Variants in NEDD4L observed in about 807,000 individuals in gnomAD.
The protein encoded by NEDD4L is NEDD4 like E3 ubiquitin protein ligase, also known as E3 ubiquitin-protein ligase NEDD4-like.
Under a neutral mutation model 148.9 loss-of-function variants are expected in NEDD4L, and 54 were observed. That is an observed-to-expected ratio of 0.36 (90% CI 0.29 to 0.45). The LOEUF (loss-of-function observed/expected upper bound fraction) is 0.45. Among genes scored for constraint, NEDD4L ranks in the 20% least tolerant of loss-of-function variants. The pLI, the probability that NEDD4L is intolerant of heterozygous loss-of-function variation, is 1.00. For synonymous variants in NEDD4L, 433 were observed against 440.7 expected, an observed-to-expected ratio of 0.98 and a Z score of 0.22; for missense variants, 856 against 1,233.8, an observed-to-expected ratio of 0.69 and a Z score of 4.59.
At chr18:58,228,207 G>A (rs541269075) in intron 2 of NEDD4L, among the ~76,000 whole-genome samples, 3 of 152,346 alleles carry the variant, frequency 2.0e-5, no homozygotes, top group African/African-American at 7.2e-5. Context: ...GCATGGCCCT[G>A]TTCGCAAGGA....
At chr18:58,384,479 CTG>C (rs1392019470) in intron 25 of NEDD4L, among the ~76,000 whole-genome samples, 2 of 152,204 alleles carry the variant, frequency 1.3e-5, no homozygotes, top group South Asian at 2.1e-4. Flanking sequence ...AAAGTACAGA[CTG>C]TGAGTGGGGT....
In NEDD4L at chr18:58,324,898, C is replaced by G. The variant is rs878994371; in HGVS notation, c.514-98C>G. ...AGCCATGGCTAGAGCCAGAGAGCCC[C>G]AGAGCAAGGAGAAGGGCATGCAGGG... is the stretch of plus-strand genomic sequence containing the variant. On this transcript the variant is annotated intron_variant, in intron 8 of 30. Coordinates refer to ENST00000400345, the MANE Select transcript of NEDD4L (RefSeq NM_001144967.3). 7.7e-6 allele frequency: 9 copies of G among 1,163,536 alleles called. No individual in the cohort carries two copies. In the South Asian group the frequency reaches 1.0e-4, roughly 13 times the overall value. The allele number at this position is 1,163,536 out of a possible 1,614,324, so 72.1% of individuals were successfully genotyped here.
intron 1 of NEDD4L, among the ~76,000 whole-genome samples, chr18:58,124,374 C>G (rs776355011): frequency 1.3e-5 from 2 of 152,220 alleles, no homozygotes; most frequent in Non-Finnish European, 2.9e-5. Flanking sequence ...GGCATGTTGT[C>G]TGTTCCTCCC....
intron 1 of NEDD4L, among the ~76,000 whole-genome samples, chr18:58,129,636 C>T (rs770002632): frequency 8.5e-5 from 13 of 152,216 alleles, no homozygotes; most frequent in Non-Finnish European, 1.8e-4. Context: ...GAAGATTTGT[C>T]GCAGAGAAAC....
At chr18:58,111,481 A>C (rs1421821805) in intron 1 of NEDD4L, among the ~76,000 whole-genome samples, 2 of 152,212 alleles carry the variant, frequency 1.3e-5, no homozygotes, top group African/African-American at 4.8e-5. Context: ...ACTACTTTGT[A>C]TCTCTACATT....
At chr18:58,210,871 A>C (rs1477720809) in intron 2 of NEDD4L, among the ~76,000 whole-genome samples, 1 of 152,230 alleles carries the variant, frequency 6.6e-6, no homozygotes, top group African/African-American at 2.4e-5. Flanking sequence ...TCTTGGGTGC[A>C]TCAAAACACG....
rs146754885 is a variant in NEDD4L at position 58,392,988 on chromosome 18, A to G, written c.2825+1429A>G. Among the ~76,000 whole-genome samples, 265 of 152,358 alleles carry G rather than the reference A, an allele frequency of 1.7e-3. 4 individuals carry two copies. Among genetic ancestry groups the G allele is most frequent in the African/African-American group, 5.9e-3 (246 of 41,580 alleles). ...CTGGCCCAGGGCTCACCAGAGTCAC[A>G]GATTCCCAGATCACAGGATTTGAAC... On this transcript the variant is annotated intron_variant, in intron 30 of 30. Coordinates refer to ENST00000400345, the MANE Select transcript of NEDD4L (RefSeq NM_001144967.3).
At chr18:58,098,800 A>G (rs1321867212) in intron 1 of NEDD4L, among the ~76,000 whole-genome samples, 2 of 152,176 alleles carry the variant, frequency 1.3e-5, no homozygotes, top group East Asian at 1.9e-4. Context: ...GCTCACAGTC[A>G]TCACTCTGTA....
intron 1 of NEDD4L, among the ~76,000 whole-genome samples, chr18:58,111,465 C>T (rs2085416659): frequency 6.6e-6 from 1 of 152,218 alleles, no homozygotes; most frequent in African/African-American, 2.4e-5. Context: ...CCTAGGCAGC[C>T]TCTAAACTAC....
At chr18:58,185,654 A>G (rs1345187413) in intron 2 of NEDD4L, among the ~76,000 whole-genome samples, 2 of 152,170 alleles carry the variant, frequency 1.3e-5, no homozygotes, top group Non-Finnish European at 2.9e-5. Context: ...CGGGTGGATC[A>G]CCTGAGGTCA....
intron 5 of NEDD4L, among the ~76,000 whole-genome samples, chr18:58,260,648 G>A (rs1445496012): frequency 6.6e-6 from 1 of 152,206 alleles, no homozygotes; most frequent in Non-Finnish European, 1.5e-5. Flanking sequence ...ATACCACTTT[G>A]TGCACCTATA....
At chr18:58,295,670 G>C (rs2055454599) in intron 5 of NEDD4L, among the ~76,000 whole-genome samples, 1 of 152,126 alleles carries the variant, frequency 6.6e-6, no homozygotes, top group African/African-American at 2.4e-5. Flanking sequence ...TGGGTGTCAT[G>C]TTGAGTGGTG....
At chr18:58,249,598 T>C (rs1294997117) in intron 4 of NEDD4L, among the ~76,000 whole-genome samples, 3 of 152,370 alleles carry the variant, frequency 2.0e-5, no homozygotes, top group East Asian at 1.9e-4. Context: ...AGCTATTTAA[T>C]TGAAAGAAAG....
chr18:58,063,569 C>CTTTTTTTTT (rs373856644), intron 1 of NEDD4L, among the ~76,000 whole-genome samples: 1 of 140,424 alleles, frequency 7.1e-6, no homozygotes, highest in Admixed American at 7.2e-5. Flanking sequence ...GATAGTACAG[C>CTTTTTTTTT]TTTTTTTTTT....
chr18:58,272,416 G>A (rs761123029), intron 5 of NEDD4L, among the ~76,000 whole-genome samples: 9 of 152,204 alleles, frequency 5.9e-5, no homozygotes, highest in East Asian at 1.9e-4. Flanking sequence ...CAGATAGATC[G>A]TTTAAGCTCA....
intron 1 of NEDD4L, among the ~76,000 whole-genome samples, chr18:58,074,434 A>ATTTTTT (rs544878321): frequency 8.9e-6 from 1 of 111,764 alleles, no homozygotes; most frequent in African/African-American, 3.2e-5. Flanking sequence ...AATTTTTTGT[A>ATTTTTT]TTTTTTTTTT....
intron 29 of NEDD4L, 128 bp downstream of exon 29, chr18:58,390,870 G>A: frequency 1.4e-6 from 1 of 699,890 alleles, no homozygotes; most frequent in Non-Finnish European, 2.6e-6. Flanking sequence ...GCCATGCATA[G>A]GTTCCATGAA....
chr18:58,149,956 T>C (rs2034515203), intron 1 of NEDD4L, among the ~76,000 whole-genome samples: 1 of 152,224 alleles, frequency 6.6e-6, no homozygotes, highest in South Asian at 2.1e-4. Context: ...TGGATGGTAA[T>C]TTATTTCTGT....
chr18:58,186,354 C>A (rs868120534), intron 2 of NEDD4L, among the ~76,000 whole-genome samples: 1 of 152,290 alleles, frequency 6.6e-6, no homozygotes, highest in East Asian at 1.9e-4. Flanking sequence ...AGCTTACGGC[C>A]TGTATTTTAT....
Sources: allele counts gnomAD v4.1 joint callset (sites outside exome capture counted in the v4.1 genomes callset), GRCh38; gene constraint gnomAD v4.1.1; transcripts MANE v1.5; gene names NCBI Gene and HGNC (gene_info 2026-07-23, HGNC 2026-07-21).